The following CACNA2D3 variants were observed in gnomAD, a reference collection of about 807,000 sequenced individuals.
CACNA2D3 encodes the protein voltage-dependent calcium channel subunit alpha-2/delta-3.
In CACNA2D3, 60 loss-of-function variants were observed where a neutral mutation model predicts 160.6. The ratio of observed to expected loss-of-function variants is 0.37; its 90% CI spans 0.30 to 0.46. The LOEUF (loss-of-function observed/expected upper bound fraction) is 0.46, where lower values mean the gene tolerates loss of function less well. Among genes scored for constraint, CACNA2D3 ranks in the 20% least tolerant of loss-of-function variants. CACNA2D3 has a pLI of 1.00. For synonymous variants in CACNA2D3, 558 were observed against 492.9 expected, an observed-to-expected ratio of 1.13 and a Z score of -1.75; for missense variants, 1,205 against 1,365.0, an observed-to-expected ratio of 0.88 and a Z score of 1.85.
intron 3 of CACNA2D3, among the ~76,000 whole-genome samples, chr3:54,324,038 C>T (rs894395827): frequency 6.6e-6 from 1 of 152,178 alleles, no homozygotes; most frequent in Non-Finnish European, 1.5e-5. Flanking sequence ...ATTTATGAGC[C>T]TGGCAGTAGC....
intron 3 of CACNA2D3, among the ~76,000 whole-genome samples, chr3:54,320,890 A>G (rs1413137407): frequency 3.9e-5 from 6 of 152,248 alleles, no homozygotes; most frequent in African/African-American, 7.2e-5. Flanking sequence ...CTAGGGTTCA[A>G]CTAAGCTCTA....
At chr3:54,166,146 A>G (rs559093634) in intron 2 of CACNA2D3, among the ~76,000 whole-genome samples, 52 of 152,296 alleles carry the variant, frequency 3.4e-4, no homozygotes, top group Admixed American at 1.4e-3. Flanking sequence ...ATCCATGTCA[A>G]GCTGGCTGTG....
At chr3:54,741,140 T>TG (rs1483623230) in intron 11 of CACNA2D3, among the ~76,000 whole-genome samples, 1 of 151,804 alleles carries the variant, frequency 6.6e-6, no homozygotes, top group Non-Finnish European at 1.5e-5. Flanking sequence ...AAACTCATGG[T>TG]GGGGGTGGAT....
intron 27 of CACNA2D3, among the ~76,000 whole-genome samples, chr3:54,934,398 A>G (rs1381723046): frequency 1.9e-5 from 2 of 106,260 alleles, no homozygotes; most frequent in East Asian, 4.0e-4. Context: ...GGTTGTGTTC[A>G]TCTCCTTGTT....
At chr3:55,036,603 G>T (rs1279928390) in intron 35 of CACNA2D3, among the ~76,000 whole-genome samples, 1 of 151,758 alleles carries the variant, frequency 6.6e-6, no homozygotes, top group Non-Finnish European at 1.5e-5. Context: ...AAGTAACTGG[G>T]ATTACAGGCG....
In CACNA2D3 at chr3:54,321,874, C is replaced by G. The variant is rs1398362352; in HGVS notation, c.321+1316C>G. Among the ~76,000 whole-genome samples the G allele has an allele frequency of 2.8e-5, 4 of 144,406 alleles. No homozygotes were observed. The East Asian group carries it at 8.1e-4, about 29-fold the overall frequency. The allele number at this position is 144,406 out of a possible 152,430, so 94.7% of individuals were successfully genotyped here. A position where few individuals can be genotyped will look rare whatever the true frequency, so the allele number is the denominator to read the frequency against. Reference sequence around the variant, plus strand: ...CAGATAAGGTTGTGCCAATTCACAGCTGCTCCAGCGACAGTGGTGTGCAAG... The same window carrying G: ...CAGATAAGGTTGTGCCAATTCACAGGTGCTCCAGCGACAGTGGTGTGCAAG... On this transcript the variant is annotated intron_variant, in intron 3 of 37. Transcript: ENST00000474759.
At chr3:54,771,375 G>T (rs1702318872) in intron 13 of CACNA2D3, among the ~76,000 whole-genome samples, 1 of 152,238 alleles carries the variant, frequency 6.6e-6, no homozygotes, top group African/African-American at 2.4e-5. Context: ...CTCAGCACAA[G>T]TTAGGTGGAT....
At chr3:54,172,182 A>G (rs955506349) in intron 2 of CACNA2D3, among the ~76,000 whole-genome samples, 6 of 151,956 alleles carry the variant, frequency 3.9e-5, no homozygotes, top group African/African-American at 1.5e-4. Context: ...CACACCCAAC[A>G]ATGCTGTTTA....
chr3:54,541,091 C>T (rs1212853979), intron 5 of CACNA2D3, among the ~76,000 whole-genome samples: 4 of 151,882 alleles, frequency 2.6e-5, no homozygotes, highest in African/African-American at 7.3e-5. Flanking sequence ...TCCTGGCTAA[C>T]ATGGTGAAAC....
chr3:54,868,457 C>G (rs1699453045), intron 17 of CACNA2D3, among the ~76,000 whole-genome samples: 1 of 152,108 alleles, frequency 6.6e-6, no homozygotes, highest in Non-Finnish European at 1.5e-5. Flanking sequence ...TTCCATCACT[C>G]TCTAATCATT....
At chr3:54,337,679 G>A (rs996561528) in intron 3 of CACNA2D3, among the ~76,000 whole-genome samples, 64 of 151,936 alleles carry the variant, frequency 4.2e-4, no homozygotes, top group African/African-American at 1.1e-3. Context: ...ATGTCTTTTC[G>A]CTTCCTTTCT....
intron 11 of CACNA2D3, among the ~76,000 whole-genome samples, chr3:54,736,005 A>T (rs1396290056): frequency 0.059 from 5,935 of 100,436 alleles, 118 homozygotes; most frequent in Non-Finnish European, 0.076. Flanking sequence ...ATATATATAT[A>T]TGTATATATA....
intron 5 of CACNA2D3, among the ~76,000 whole-genome samples, chr3:54,527,641 C>T (rs1342070022): frequency 1.3e-5 from 2 of 152,172 alleles, no homozygotes; most frequent in African/African-American, 2.4e-5. Context: ...CCTCATTTCT[C>T]AGCTGTACTC....
intron 2 of CACNA2D3, among the ~76,000 whole-genome samples, chr3:54,175,613 CAAAA>C (rs1163953295): frequency 7.8e-5 from 7 of 90,318 alleles, no homozygotes; most frequent in Non-Finnish European, 1.5e-4. Flanking sequence ...GACTCTGTCT[CAAAA>C]AAAAAAAAAA....
chr3:54,872,831 G>A lies in CACNA2D3; in HGVS notation c.1710+1209G>A, dbSNP rs554120298. On this transcript the variant is annotated intron_variant, in intron 18 of 37. Transcript: ENST00000474759. ...CTCCTCCATACCCTTTTCCCCGCAA[G>A]CCAATGAGCTGACATAGTGTCAGCT... is the stretch of plus-strand genomic sequence containing the variant. 2.6e-4 allele frequency among the ~76,000 whole-genome samples: 40 copies of A among 152,244 alleles called. 1 individual carries two copies. The South Asian group carries it at 7.7e-3, about 29-fold the overall frequency.
chr3:54,644,578 G>C (rs574508652), intron 11 of CACNA2D3, among the ~76,000 whole-genome samples: 1 of 152,358 alleles, frequency 6.6e-6, no homozygotes, highest in South Asian at 2.1e-4. Context: ...GTAGAGAGTT[G>C]TGCCATGTTG....
intron 4 of CACNA2D3, among the ~76,000 whole-genome samples, chr3:54,444,011 G>A (rs929773420): frequency 6.6e-6 from 1 of 152,092 alleles, no homozygotes; most frequent in Admixed American, 6.5e-5. Context: ...CCAGGGGATG[G>A]CCACTATATC....
chr3:54,533,258 C>A (rs1701832789), intron 5 of CACNA2D3, among the ~76,000 whole-genome samples: 1 of 151,658 alleles, frequency 6.6e-6, no homozygotes, highest in Non-Finnish European at 1.5e-5. Flanking sequence ...TACTTTCTTG[C>A]ATTGTTCTGA....
chr3:54,350,968 GTTTTTTTTTTTTTGTTTGTTTTTT>G (rs1371097528), intron 3 of CACNA2D3, among the ~76,000 whole-genome samples: 5 of 56,134 alleles, frequency 8.9e-5, no homozygotes, highest in African/African-American at 1.9e-4. Context: ...TCTTGAGTCT[GTTTTTTTTTTTTTGTTTGTTTTTT>G]TTTTTTTTTT....
Sources: allele counts gnomAD v4.1 joint callset (sites outside exome capture counted in the v4.1 genomes callset), GRCh38; gene constraint gnomAD v4.1.1; transcripts MANE v1.5; gene names NCBI Gene and HGNC (gene_info 2026-07-23, HGNC 2026-07-21).